Variants in SLIT3 observed in about 807,000 individuals in gnomAD.
SLIT3 encodes slit homolog 3 protein.
In SLIT3, 68 loss-of-function variants were observed where a neutral mutation model predicts 184.0. The ratio of observed to expected loss-of-function variants is 0.37; its 90% CI spans 0.30 to 0.45. The LOEUF is 0.45. Among genes scored for constraint, SLIT3 ranks in the 20% least tolerant of loss-of-function variants. SLIT3 has a pLI of 1.00. For missense variants in SLIT3, 1,707 were observed against 2,026.0 expected (o/e 0.84, Z 3.02); for synonymous variants, 831 against 828.6 (o/e 1.00, Z -0.05).
At chr5:168,678,285 T>C (rs1406213161) in intron 32 of SLIT3, among the ~76,000 whole-genome samples, 1 of 152,146 alleles carries the variant, frequency 6.6e-6, no homozygotes, top group East Asian at 1.9e-4. Flanking sequence ...GGCTCTGGCT[T>C]TTTACCAGCA....
intron 4 of SLIT3, among the ~76,000 whole-genome samples, chr5:169,152,083 G>A (rs755256056): frequency 1.6e-4 from 25 of 152,184 alleles, no homozygotes; most frequent in Non-Finnish European, 3.1e-4. Context: ...AAGGTTAGTA[G>A]ATGAATGTTT....
intron 20 of SLIT3, among the ~76,000 whole-genome samples, chr5:168,742,378 A>G (rs1763662104): frequency 6.7e-6 from 1 of 149,636 alleles, no homozygotes; most frequent in African/African-American, 2.5e-5. Flanking sequence ...TTCCTCACCC[A>G]GAGAGGCCTC....
At chr5:168,799,048 T>G (rs574191275) in intron 9 of SLIT3, among the ~76,000 whole-genome samples, 1 of 152,308 alleles carries the variant, frequency 6.6e-6, no homozygotes, top group Non-Finnish European at 1.5e-5. Flanking sequence ...CTTCATTTTC[T>G]TAGTCCTTTC....
intron 4 of SLIT3, chr5:169,022,711 C>T (rs78510130): frequency 1.3e-5 from 2 of 152,020 alleles, no homozygotes; most frequent in South Asian, 4.2e-4. Flanking sequence ...CAAGCAAAGG[C>T]AGGAAGAAGT....
Position 168,961,031 on chromosome 5 carries a change from C to T in SLIT3, c.414-77695G>A, listed in dbSNP as rs538024257. On this transcript the variant is annotated intron_variant, in intron 4 of 35. Transcript: ENST00000519560. ...ACCTTTAAAAAGCTCCATCTCCTCA[C>T]CTGTGTAATGAGGAGTCCATGGATA... Among the ~76,000 whole-genome samples the T allele has an allele frequency of 8.5e-5, 13 of 152,312 alleles. No homozygotes were observed. The South Asian group carries it at 1.7e-3, about 19-fold the overall frequency.
intron 8 of SLIT3, among the ~76,000 whole-genome samples, chr5:168,815,249 A>C (rs1757300601): frequency 6.6e-6 from 1 of 152,178 alleles, no homozygotes; most frequent in Non-Finnish European, 1.5e-5. Context: ...TGAGGCATTC[A>C]GATTTAATGG....
At chr5:169,104,865 AC>A (rs1760146262) in intron 4 of SLIT3, among the ~76,000 whole-genome samples, 1 of 152,180 alleles carries the variant, frequency 6.6e-6, no homozygotes, top group African/African-American at 2.4e-5. Flanking sequence ...AGCTGGGCTA[AC>A]CTGCCCCACA....
rs1759584371 is a variant in SLIT3, at chr5:168,872,906, C to T, written c.485+10359G>A. Among the ~76,000 whole-genome samples the T allele has an allele frequency of 2.0e-5, 3 of 152,254 alleles. No homozygotes were observed. In the South Asian group the frequency reaches 6.2e-4, roughly 32 times the overall value. On this transcript the variant is annotated intron_variant, in intron 5 of 35. Transcript: ENST00000519560. ...CCACCTGCCTTGCACTCCCAAAGTGCTGGGATTACAGGCATGAGCCACTGT... is the reference window on the plus strand; with the variant it reads ...CCACCTGCCTTGCACTCCCAAAGTGTTGGGATTACAGGCATGAGCCACTGT...
intron 4 of SLIT3, among the ~76,000 whole-genome samples, chr5:169,060,338 G>A (rs1758136387): frequency 6.6e-6 from 1 of 152,192 alleles, no homozygotes; most frequent in African/African-American, 2.4e-5. Context: ...GTTGCAGTGA[G>A]CCAAGATCGC....
chr5:168,753,110 G>C lies in SLIT3; in HGVS notation c.1830-12C>G, dbSNP rs369283529. The C allele has an allele frequency of 1.9e-6, 3 of 1,613,712 alleles. No homozygotes were observed. Among genetic ancestry groups the C allele is most frequent in the Non-Finnish European group, 2.5e-6 (3 of 1,179,860 alleles). ...TACTCCTCAGCATCCTACAGGGAGA[G>C]GGGTGGGGATGAGAGAGCACAGGCA... On this transcript the variant is annotated splice_polypyrimidine_tract_variant and intron_variant, in intron 17 of 35. Transcript: ENST00000519560.
intron 5 of SLIT3, among the ~76,000 whole-genome samples, chr5:168,846,253 G>T (rs1283883282): frequency 2.0e-5 from 3 of 152,030 alleles, no homozygotes; most frequent in Non-Finnish European, 4.4e-5. Flanking sequence ...CAGTCCACAG[G>T]CATCTCGAGA....
At chr5:169,219,057 T>G (rs1264738051) in intron 3 of SLIT3, among the ~76,000 whole-genome samples, 1 of 152,174 alleles carries the variant, frequency 6.6e-6, no homozygotes, top group Non-Finnish European at 1.5e-5. Flanking sequence ...AACAACAGAA[T>G]GGACCCTGAA....
At chr5:168,746,390 GTGTGGTGTCTGGTGGTGTGTA>G (rs1158655357) in intron 20 of SLIT3, among the ~76,000 whole-genome samples, 303 of 119,746 alleles carry the variant, frequency 2.5e-3, no homozygotes, top group Middle Eastern at 4.5e-3. Context: ...TGGTGTGGGT[GTGTGGTGTCTGGTGGTGTGTA>G]GTGTGTGAGT....
At position 168,883,145 on chromosome 5, in the gene SLIT3, G is replaced by A. The variant is rs1033367994; in HGVS notation, c.485+120C>T. ...GTTCCCTAGAAATCACTCAAGCACA[G>A]CCCTCAATTTCATCTCTGAAGGCAC... On this transcript the variant is annotated intron_variant, in intron 5 of 35. Transcript: ENST00000519560. 7.0e-6 allele frequency: 5 copies of A among 714,844 alleles called. No individual in the cohort carries two copies. In the East Asian group the frequency reaches 1.3e-4, roughly 18 times the overall value. The allele number at this position is 714,844 out of a possible 1,614,324, so 44.3% of individuals were successfully genotyped here.
At chr5:169,261,910 G>C (rs568330905) in intron 1 of SLIT3, among the ~76,000 whole-genome samples, 1 of 152,344 alleles carries the variant, frequency 6.6e-6, no homozygotes, top group African/African-American at 2.4e-5. Flanking sequence ...CCATGTTTGG[G>C]AGGCCCACAT....
At chr5:168,755,389 A>ATTTATTTC (rs1213373035) in intron 16 of SLIT3, among the ~76,000 whole-genome samples, 9 of 133,636 alleles carry the variant, frequency 6.7e-5, no homozygotes, top group Admixed American at 1.6e-4. Context: ...CAGTGCCGCC[A>ATTTATTTC]TTTCTTTCTT....
chr5:169,023,650 T>C (rs925201459), intron 4 of SLIT3: 2 of 152,154 alleles, frequency 1.3e-5, no homozygotes, highest in Non-Finnish European at 1.5e-5. Context: ...TCTTCTGTTA[T>C]CTTCAACCCA....
intron 35 of SLIT3, among the ~76,000 whole-genome samples, chr5:168,668,752 T>TCTAGATGAGGAAGTGAAC (rs1284169721): frequency 1.3e-5 from 2 of 152,140 alleles, no homozygotes; most frequent in Admixed American, 1.3e-4. Flanking sequence ...CCTGGCCCTA[T>TCTAGATGAGGAAGTGAAC]CTAGATGAGG....
intron 18 of SLIT3, among the ~76,000 whole-genome samples, chr5:168,749,980 C>G (rs771688012): frequency 6.6e-6 from 1 of 152,168 alleles, no homozygotes; most frequent in African/African-American, 2.4e-5. Context: ...TCTTCTCATT[C>G]TTTAGTCCTT....
Sources: gnomAD v4.1 joint callset for allele counts (sites outside exome capture counted in the v4.1 genomes callset) on GRCh38, gnomAD v4.1.1 for gene constraint, MANE v1.5 for transcripts, NCBI Gene and HGNC (gene_info 2026-07-23, HGNC 2026-07-21) for gene names.